ADHFE1: variants seen among roughly 807,000 people sequenced by gnomAD.
ADHFE1 encodes hydroxyacid-oxoacid transhydrogenase, mitochondrial.
A neutral mutation model predicts 54.8 loss-of-function variants in ADHFE1; 37 were observed. The ratio of observed to expected loss-of-function variants is 0.68; its 90% CI spans 0.52 to 0.89. The LOEUF is 0.89. Ranked by LOEUF, ADHFE1 falls within the 40% of genes least tolerant of loss-of-function variation. The pLI, the probability that ADHFE1 is intolerant of heterozygous loss-of-function variation, is 0.00. For missense variants in ADHFE1, 601 were observed against 591.2 expected, an observed-to-expected ratio of 1.02 and a Z score of -0.17; for synonymous variants, 203 against 229.3, an observed-to-expected ratio of 0.89 and a Z score of 1.04.
At chr8:66,438,862 G>A (rs1272837474) in intron 1 of ADHFE1, among the ~76,000 whole-genome samples, 1 of 89,474 alleles carries the variant, frequency 1.1e-5, no homozygotes, top group Non-Finnish European at 2.0e-5. Flanking sequence ...TCAGAGCTTG[G>A]GGAAGAAAAA....
chr8:66,445,095 C>T (rs929439697), intron 5 of ADHFE1, 123 bp from the exon 6 acceptor site: 24 of 933,112 alleles, frequency 2.6e-5, no homozygotes, highest in African/African-American at 1.5e-4. Flanking sequence ...AATGAGACTC[C>T]GTCTCAAAAA....
At chr8:66,446,550 A>T (rs1322156793) in intron 6 of ADHFE1, among the ~76,000 whole-genome samples, 1 of 152,242 alleles carries the variant, frequency 6.6e-6, no homozygotes, top group African/African-American at 2.4e-5. Context: ...TAACAAAGAC[A>T]CAGAAGTCAT....
In ADHFE1 at chr8:66,439,529, G is replaced by A; in HGVS notation, c.60-633G>A. 1.0e-6 allele frequency: 1 copy of A among 985,434 alleles called. No individual in the cohort carries two copies. The highest frequency in any genetic ancestry group is 1.2e-6 in the Non-Finnish European group (1 of 830,026). The allele number at this position is 985,434 out of a possible 1,614,324, so 61.0% of individuals were successfully genotyped here. ...AGAAGTGAGATGCGGTGGCGACCTCGGAGCGCACCGGGTGTGCGCGCAGCT... is the reference window on the plus strand; with the variant it reads ...AGAAGTGAGATGCGGTGGCGACCTCAGAGCGCACCGGGTGTGCGCGCAGCT... On this transcript the variant is annotated intron_variant, in intron 1 of 13. Transcript: ENST00000396623. The surrounding 1 kb of genome is among the most constrained non-coding windows in gnomAD (Gnocchi z 4.4).
At chr8:66,442,674 G>C in intron 2 of ADHFE1, 124 bp from the exon 3 acceptor site, 1 of 857,624 alleles carries the variant, frequency 1.2e-6, no homozygotes. Flanking sequence ...GTGAAACCTG[G>C]AAAAAATATA....
chr8:66,432,838 C>T (rs1317689155), intron 1 of ADHFE1: 3 of 1,221,860 alleles, frequency 2.5e-6, no homozygotes, highest in African/African-American at 1.6e-5. Context: ...AGGACCTGGT[C>T]CCACATCGTA....
Position 66,454,111 on chromosome 8 carries a change from A to G in ADHFE1, c.940A>G (p.Ser314Gly). 6.2e-7 allele frequency: 1 copy of G among 1,614,210 alleles called. No homozygotes were observed. Among genetic ancestry groups the G allele is most frequent in the Non-Finnish European group, 8.5e-7 (1 of 1,180,026 alleles). ...LEARSHMHLASAFAGIGFGNA... is the reference protein window; with the variant it reads ...LEARSHMHLAGAFAGIGFGNA... The stretch of plus-strand genomic sequence containing the variant: ...AGCAAGGTCTCATATGCACTTGGCA[A>G]GTGCTTTTGCTGGCATCGGCTTTGG... Residue 314 changes from serine to glycine, a missense_variant, in exon 10 of 14, where the codon AGT becomes GGT. By Grantham distance (56) the Ser-to-Gly change is moderately conservative. Coordinates refer to ENST00000396623, the MANE Select transcript of ADHFE1 (RefSeq NM_144650.3).
chr8:66,439,183 A>G lies in ADHFE1; in HGVS notation c.60-979A>G. ...TTTTGAGATCTGGACGGCCACTGAG[A>G]TCAACCCTTTTCCTTCCTCCCCAAC... is the stretch of plus-strand genomic sequence containing the variant. On this transcript the variant is annotated intron_variant, in intron 1 of 13. Coordinates refer to ENST00000396623, the MANE Select transcript of ADHFE1 (RefSeq NM_144650.3). The surrounding 1 kb of genome is among the most constrained non-coding windows in gnomAD (Gnocchi z 4.4). 1.0e-6 allele frequency: 1 copy of G among 985,366 alleles called. No individual in the cohort carries two copies. The highest frequency in any genetic ancestry group is 1.2e-6 in the Non-Finnish European group (1 of 829,870). 61.0% of individuals were successfully genotyped at this position (985,366 alleles called of 1,614,324 possible). A position where few individuals can be genotyped will look rare whatever the true frequency, so the allele number is the denominator to read the frequency against.
chr8:66,450,007 C>T (rs73253656), intron 8 of ADHFE1, among the ~76,000 whole-genome samples: 1 of 152,126 alleles, frequency 6.6e-6, no homozygotes, highest in Non-Finnish European at 1.5e-5. Context: ...CCTGCACATC[C>T]CTGTACAGTG....
rs1007158652 is a variant in ADHFE1, at chr8:66,439,209, C to T, written c.60-953C>T. The T allele has an allele frequency of 2.0e-6, 2 of 985,378 alleles. No individual in the cohort carries two copies. The highest frequency in any genetic ancestry group is 3.5e-5 in the African/African-American group (2 of 57,232). 61.0% of individuals were successfully genotyped at this position (985,378 alleles called of 1,614,324 possible). On this transcript the variant is annotated intron_variant, in intron 1 of 13. Transcript: ENST00000396623. This position sits in a 1 kb window ranked among gnomAD's most constrained non-coding sequence, Gnocchi z 4.4. ...TCAACCCTTTTCCTTCCTCCCCAAC[C>T]TTCCCCCTCGGGTGTTTTAATTCCA... is the stretch of plus-strand genomic sequence containing the variant.
chr8:66,444,691 A>T lies in ADHFE1; in HGVS notation c.296A>T (p.Lys99Met). ...PVQVAMDSLV[K>M]NGIPFTVYDN... is the part of the protein sequence containing the mutation. The stretch of plus-strand genomic sequence containing the variant: ...CAAGTAGCTATGGATTCCCTAGTGA[A>T]GAATGGCATCCCCTTTACGGTTTAT... Residue 99 changes from lysine (K) to methionine (M), a missense_variant, in exon 5 of 14, where the codon AAG becomes ATG. Lys to Met is a moderately conservative substitution (Grantham distance 95). Coordinates refer to ENST00000396623, the MANE Select transcript of ADHFE1 (RefSeq NM_144650.3). 1 of 1,614,234 alleles carries T rather than the reference A, an allele frequency of 6.2e-7. No individual in the cohort carries two copies. Among genetic ancestry groups the T allele is most frequent in the Non-Finnish European group, 8.5e-7 (1 of 1,180,028 alleles).
At position 66,468,529 on chromosome 8, in the gene ADHFE1, A is replaced by C; in HGVS notation, c.*177A>C. 2.3e-6 allele frequency: 1 copy of C among 433,360 alleles called. No individual in the cohort carries two copies. The highest frequency in any genetic ancestry group is 3.3e-5 in the South Asian group (1 of 30,028). 26.8% of individuals were successfully genotyped at this position (433,360 alleles called of 1,614,324 possible). Reference sequence around the variant, plus strand: ...AAGCTCAGAGTCCAGTTCCTTCCATAAAACAGGCTGGACAAATGACCACTA... The same window carrying C: ...AAGCTCAGAGTCCAGTTCCTTCCATCAAACAGGCTGGACAAATGACCACTA... On this transcript the variant is annotated 3_prime_UTR_variant, in exon 14 of 14. Coordinates refer to ENST00000396623, the MANE Select transcript of ADHFE1 (RefSeq NM_144650.3).
chr8:66,450,632 G>A (rs1243747393), intron 8 of ADHFE1, among the ~76,000 whole-genome samples: 1 of 152,256 alleles, frequency 6.6e-6, no homozygotes, highest in African/African-American at 2.4e-5. Flanking sequence ...GCATTAAACT[G>A]ACTTCCAGGC....
chr8:66,433,387 G>A (rs927047991), intron 1 of ADHFE1, among the ~76,000 whole-genome samples: 15 of 152,152 alleles, frequency 9.9e-5, no homozygotes, highest in African/African-American at 3.6e-4. Context: ...TGGAGAAGAC[G>A]GCTGATAAAA....
intron 8 of ADHFE1, 80 bp from the exon 9 acceptor site, chr8:66,451,873 C>T (rs1342792176): frequency 1.6e-5 from 25 of 1,547,340 alleles, no homozygotes; most frequent in Non-Finnish European, 2.1e-5. Flanking sequence ...CCAAACAGCT[C>T]CAAGACAGGT....
At position 66,439,937 on chromosome 8, in the gene ADHFE1, G is replaced by T. The variant is rs1805660662; in HGVS notation, c.60-225G>T. The stretch of plus-strand genomic sequence containing the variant: ...AGGAATTGCTAGAGTAAATGAATTC[G>T]TGAAAGAATGATGCTACAGCGCTGG... On this transcript the variant is annotated intron_variant, in intron 1 of 13. Coordinates refer to ENST00000396623, the MANE Select transcript of ADHFE1 (RefSeq NM_144650.3). The surrounding 1 kb of genome is among the most constrained non-coding windows in gnomAD (Gnocchi z 4.4). 6.6e-6 allele frequency among the ~76,000 whole-genome samples: 1 copy of T among 152,160 alleles called. No individual in the cohort carries two copies. Among genetic ancestry groups the T allele is most frequent in the South Asian group, 2.1e-4 (1 of 4,822 alleles).
intron 13 of ADHFE1, among the ~76,000 whole-genome samples, chr8:66,466,960 T>C (rs1807224229): frequency 1.3e-5 from 2 of 152,224 alleles, no homozygotes; most frequent in African/African-American, 4.8e-5. Flanking sequence ...CATGGTTTTG[T>C]TGTAATTGCC....
intron 8 of ADHFE1, among the ~76,000 whole-genome samples, chr8:66,449,898 C>T (rs1269155390): frequency 2.0e-5 from 3 of 152,218 alleles, no homozygotes; most frequent in African/African-American, 7.2e-5. Context: ...GTAGGAGGAT[C>T]ACTTGAGGCC....
intron 6 of ADHFE1, 111 bp from the exon 7 acceptor site, chr8:66,447,153 G>T (rs1369906656): frequency 7.8e-6 from 6 of 772,948 alleles, no homozygotes; most frequent in African/African-American, 5.3e-5. Context: ...AAACAAGAGG[G>T]TCAGCAAAGT....
chr8:66,433,472 A>G lies in ADHFE1; in HGVS notation c.59+897A>G, dbSNP rs564613490. On this transcript the variant is annotated intron_variant, in intron 1 of 13. Coordinates refer to ENST00000396623, the MANE Select transcript of ADHFE1 (RefSeq NM_144650.3). ...ACACTTTGAATGGACTATCAGTATAATAGTAACTCTAATCCTTTCACTGAC... is the reference window on the plus strand; with the variant it reads ...ACACTTTGAATGGACTATCAGTATAGTAGTAACTCTAATCCTTTCACTGAC... Among the ~76,000 whole-genome samples, 76 of 152,336 alleles carry G rather than the reference A, an allele frequency of 5.0e-4. No individual in the cohort carries two copies. In the South Asian group the frequency reaches 6.4e-3, roughly 13 times the overall value.
Sources: allele counts gnomAD v4.1 joint callset (sites outside exome capture counted in the v4.1 genomes callset), GRCh38; gene constraint gnomAD v4.1.1; non-coding constraint Gnocchi (gnomAD v3.1); transcripts MANE v1.5; gene names NCBI Gene and HGNC (gene_info 2026-07-23, HGNC 2026-07-21).